CFAP100: variants seen among roughly 807,000 people sequenced by gnomAD.
CFAP100 encodes cilia and flagella associated protein 100, also known as cilia- and flagella-associated protein 100.
Under a neutral mutation model 81.5 loss-of-function variants are expected in CFAP100, and 70 were observed. The observed-to-expected ratio is 0.86, with a 90% CI of 0.71 to 1.05. CFAP100 has a LOEUF of 1.05. Ranked by LOEUF, CFAP100 falls within the 50% of genes least tolerant of loss-of-function variation. The pLI is 0.00. For missense variants in CFAP100, 811 were observed against 776.5 expected, an observed-to-expected ratio of 1.04 and a Z score of -0.53; for synonymous variants, 341 against 314.8, an observed-to-expected ratio of 1.08 and a Z score of -0.88.
intron 2 of CFAP100, among the ~76,000 whole-genome samples, chr3:126,405,556 G>T (rs2083049367): frequency 6.6e-6 from 1 of 152,104 alleles, no homozygotes; most frequent in Non-Finnish European, 1.5e-5. Flanking sequence ...CCAGCTACTT[G>T]GGAGGCTGAG....
intron 13 of CFAP100, among the ~76,000 whole-genome samples, chr3:126,426,470 G>C (rs1415513604): frequency 7.5e-6 from 1 of 132,674 alleles, no homozygotes; most frequent in Admixed American, 7.4e-5. Context: ...AAAAAAAAAA[G>C]GCTGGGTGCA....
chr3:126,435,453 G>A, intron 15 of CFAP100, 106 bp from the exon 16 acceptor site: 1 of 805,530 alleles, frequency 1.2e-6, no homozygotes, highest in Non-Finnish European at 2.0e-6. Context: ...AGAGGAGCTG[G>A]GAGTTTTCTT....
At chr3:126,398,288 G>A (rs550391477) in intron 2 of CFAP100, among the ~76,000 whole-genome samples, 13 of 152,324 alleles carry the variant, frequency 8.5e-5, no homozygotes, top group African/African-American at 2.9e-4. Flanking sequence ...GGGGTCGCGC[G>A]TGGACTTGTC....
rs150731368 is a variant in CFAP100, at chr3:126,405,394, G to A, written c.50-1778G>A. Among the ~76,000 whole-genome samples the A allele has an allele frequency of 4.8e-3, 727 of 152,326 alleles. 4 individuals carry two copies. The highest frequency in any genetic ancestry group is 0.015 in the African/African-American group (634 of 41,568). On this transcript the variant is annotated intron_variant, in intron 2 of 16. Coordinates refer to ENST00000352312, the MANE Select transcript of CFAP100 (RefSeq NM_182628.3). Reference sequence around the variant, plus strand: ...TGCAAAAATCTTGGCCTGGCATGGTGGCTCACACCTATAATCCCAGCCCTT... The same window carrying A: ...TGCAAAAATCTTGGCCTGGCATGGTAGCTCACACCTATAATCCCAGCCCTT...
chr3:126,436,382 A>T lies in CFAP100; in HGVS notation c.1814A>T (p.Glu605Val). 6.2e-7 allele frequency: 1 copy of T among 1,613,956 alleles called. No homozygotes were observed. The highest frequency in any genetic ancestry group is 8.5e-7 in the Non-Finnish European group (1 of 1,179,818). ...EHTLMDKEEE[E>V]LLFFFT is the part of the protein sequence containing the mutation. ...ACACTGATGGACAAGGAGGAGGAGG[A>T]GCTGCTATTTTTCTTTACTTAATCT... The change falls in exon 17 of 17, where the codon GAG becomes GTG. Residue 605 changes from glutamate to valine, a missense_variant. Coordinates refer to ENST00000352312, the MANE Select transcript of CFAP100 (RefSeq NM_182628.3).
chr3:126,420,252 G>C, intron 11 of CFAP100, 23 bp downstream of exon 11: 2 of 1,610,758 alleles, frequency 1.2e-6, no homozygotes, highest in Non-Finnish European at 1.7e-6. Context: ...GGGTGGTTGG[G>C]AGGGGCTGAG....
chr3:126,432,282 CAAAAA>C (rs58421889), intron 13 of CFAP100, among the ~76,000 whole-genome samples: 5 of 76,740 alleles, frequency 6.5e-5, no homozygotes, highest in African/African-American at 1.8e-4. Context: ...GACTCCGTCT[CAAAAA>C]AAAAAAAAAA....
At chr3:126,424,911 CAGGTGCAAAGGCACTG>C (rs1172109263) in intron 13 of CFAP100, among the ~76,000 whole-genome samples, 1 of 152,224 alleles carries the variant, frequency 6.6e-6, no homozygotes, top group Non-Finnish European at 1.5e-5. Context: ...GCGGGAACAG[CAGGTGCAAAGGCACTG>C]AGGTGGGAGC....
chr3:126,403,086 G>C (rs1158320515), intron 2 of CFAP100, among the ~76,000 whole-genome samples: 2 of 152,158 alleles, frequency 1.3e-5, no homozygotes, highest in African/African-American at 4.8e-5. Flanking sequence ...TTTCGCAGGA[G>C]GGGGAAGGCC....
intron 3 of CFAP100, among the ~76,000 whole-genome samples, chr3:126,412,013 C>T (rs538720106): frequency 6.6e-6 from 1 of 152,302 alleles, no homozygotes; most frequent in African/African-American, 2.4e-5. Context: ...AGTTTGTGCT[C>T]TCTCAGACTT....
Position 126,405,152 on chromosome 3 carries a change from C to T in CFAP100, c.50-2020C>T, listed in dbSNP as rs569497720. Among the ~76,000 whole-genome samples, 129 of 152,300 alleles carry T rather than the reference C, an allele frequency of 8.5e-4. 1 individual carries two copies. The Middle Eastern group carries it at 0.01, about 12-fold the overall frequency. ...GAACCTCCTCCCCATTCCCCCTCCCCTAGCCCTGGCGACCACTGTTCTACT... is the reference window on the plus strand; with the variant it reads ...GAACCTCCTCCCCATTCCCCCTCCCTTAGCCCTGGCGACCACTGTTCTACT... On this transcript the variant is annotated intron_variant, in intron 2 of 16. Coordinates refer to ENST00000352312, the MANE Select transcript of CFAP100 (RefSeq NM_182628.3).
intron 13 of CFAP100, among the ~76,000 whole-genome samples, chr3:126,425,032 A>G (rs1300971777): frequency 6.6e-6 from 1 of 152,226 alleles, no homozygotes; most frequent in Non-Finnish European, 1.5e-5. Context: ...AATGACCTGA[A>G]ATCCCCAGCC....
At chr3:126,397,140 C>T (rs965534572) in intron 2 of CFAP100, among the ~76,000 whole-genome samples, 1 of 152,152 alleles carries the variant, frequency 6.6e-6, no homozygotes, top group Non-Finnish European at 1.5e-5. Flanking sequence ...TTAACCCATA[C>T]ATTGTAGAGA....
chr3:126,401,734 G>A (rs1450973130), intron 2 of CFAP100, among the ~76,000 whole-genome samples: 2 of 152,048 alleles, frequency 1.3e-5, no homozygotes, highest in Non-Finnish European at 2.9e-5. Context: ...CCCAGCTGCA[G>A]GGGAGGACAC....
rs58954079 is a variant in CFAP100 at position 126,411,361 on chromosome 3, G to GTTTTTTTTTTTTTTTTT, written c.131-2714_131-2698dup. 5.7e-4 allele frequency among the ~76,000 whole-genome samples: 20 copies of GTTTTTTTTTTTTTTTTT among 35,384 alleles called. 1 individual carries two copies. The highest frequency in any genetic ancestry group is 6.0e-4 in the African/African-American group (5 of 8,286). 23.2% of individuals were successfully genotyped at this position (35,384 alleles called of 152,430 possible). ...TCTGTAGTTTTTTTTGTTGTTGTTG[G>GTTTTTTTTTTTTTTTTT]TTTTTTTTTTTTTTTTTTTTTTTTT... On this transcript the variant is annotated intron_variant, in intron 3 of 16. Coordinates refer to ENST00000352312, the MANE Select transcript of CFAP100 (RefSeq NM_182628.3).
chr3:126,396,979 G>A (rs2082899873), intron 2 of CFAP100, among the ~76,000 whole-genome samples: 2 of 152,178 alleles, frequency 1.3e-5, no homozygotes, highest in South Asian at 4.1e-4. Flanking sequence ...AAGGCATACA[G>A]TGCCCCTTCC....
In CFAP100 at chr3:126,435,627, G is replaced by A. The variant is rs142534437; in HGVS notation, c.1697G>A (p.Arg566His). 541 of 1,612,038 alleles carry A rather than the reference G, an allele frequency of 3.4e-4. No individual in the cohort carries two copies. The highest frequency in any genetic ancestry group is 4.1e-4 in the Non-Finnish European group (489 of 1,178,594). The change falls in exon 16 of 17, where the codon CGC (arginine) becomes CAC (histidine). Residue 566 changes from arginine to histidine, a missense_variant. Physicochemically the swap from Arg to His is conservative, Grantham distance 29. Coordinates refer to ENST00000352312, the MANE Select transcript of CFAP100 (RefSeq NM_182628.3). ...GAGCATCTGCAGCGGGCCCGGGCGC[G>A]CGCCCAGGCTGAGATCAAGAAGAAG... The part of the protein sequence containing the change: ...QEEHLQRARA[R>H]AQAEIKKKRG...
Position 126,434,398 on chromosome 3 carries a change from C to CCCTGCCA in CFAP100, c.1628+18_1628+24dup, listed in dbSNP as rs1933362530. ...GCGCATCAGGTGAGCTCTAGGCTCT[C>CCCTGCCA]CCTGCCAGCTGCTGTGTCCTGGCTG... On this transcript the variant is annotated intron_variant, in intron 15 of 16. Transcript: ENST00000352312. The CCCTGCCA allele has an allele frequency of 1.9e-6, 3 of 1,604,670 alleles. No individual in the cohort carries two copies. Among genetic ancestry groups the CCCTGCCA allele is most frequent in the Admixed American group, 1.7e-5 (1 of 59,598 alleles).
At chr3:126,404,084 T>C (rs2083026622) in intron 2 of CFAP100, among the ~76,000 whole-genome samples, 1 of 152,182 alleles carries the variant, frequency 6.6e-6, no homozygotes, top group Non-Finnish European at 1.5e-5. Context: ...GGGCAAAGGA[T>C]ACTAATAGAA....
Sources: allele counts gnomAD v4.1 joint callset (sites outside exome capture counted in the v4.1 genomes callset), GRCh38; gene constraint gnomAD v4.1.1; transcripts MANE v1.5; gene names NCBI Gene and HGNC (gene_info 2026-07-23, HGNC 2026-07-21).